The following TBX5 variants were observed in gnomAD, a reference collection of about 807,000 sequenced individuals.
TBX5 encodes the protein T-box transcription factor TBX5.
A neutral mutation model predicts 51.1 loss-of-function variants in TBX5; 8 were observed. The ratio of observed to expected loss-of-function variants is 0.16; its 90% CI spans 0.09 to 0.28. TBX5 has a LOEUF of 0.28. Ranked by LOEUF, TBX5 falls within the 10% of genes least tolerant of loss-of-function variation. The probability of loss-of-function intolerance (pLI) is 1.00; values close to 1 mark genes in which losing one functional copy is unlikely to be tolerated. For synonymous variants in TBX5, 302 were observed against 266.4 expected (o/e 1.13, Z -1.30); for missense variants, 589 against 671.7 (o/e 0.88, Z 1.36).
intron 7 of TBX5, among the ~76,000 whole-genome samples, chr12:114,384,131 T>C (rs1352452180): frequency 1.3e-5 from 2 of 152,084 alleles, no homozygotes; most frequent in African/African-American, 4.8e-5. Flanking sequence ...AATAACAAAC[T>C]CAGAACTTGC....
chr12:114,398,771 C>A lies in TBX5; in HGVS notation c.363-51G>T, dbSNP rs184374014. On this transcript the variant is annotated intron_variant, in intron 4 of 8. Coordinates refer to ENST00000405440, the MANE Select transcript of TBX5 (RefSeq NM_181486.4). ...GGCCTGGCTCAGAGTCTGGAGGTAG[C>A]GCACTGCACCGAAGCGTGCTTCAGT... is the stretch of plus-strand genomic sequence containing the variant. 8.3e-6 allele frequency: 13 copies of A among 1,567,764 alleles called. No individual in the cohort carries two copies. The Admixed American group carries it at 1.7e-4, about 21-fold the overall frequency.
At position 114,403,922 on chromosome 12, in the gene TBX5, G is replaced by C. The variant is rs769107196; in HGVS notation, c.-24C>G. The C allele has an allele frequency of 3.1e-6, 5 of 1,607,784 alleles. No individual in the cohort carries two copies. The East Asian group carries it at 6.7e-5, about 22-fold the overall frequency. On this transcript the variant is annotated 5_prime_UTR_variant, in exon 2 of 9. Coordinates refer to ENST00000405440, the MANE Select transcript of TBX5 (RefSeq NM_181486.4). The stretch of plus-strand genomic sequence containing the variant: ...ATGGTGCGCCCAGGGCCCTGTGCCC[G>C]CGCAAGGTTCTGCTCTGAGGACAAG...
At chr12:114,360,160 G>A (rs1869152198) in intron 8 of TBX5, among the ~76,000 whole-genome samples, 1 of 152,224 alleles carries the variant, frequency 6.6e-6, no homozygotes, top group Admixed American at 6.5e-5. Context: ...GAAACTCAGA[G>A]TAGTAATCTT....
chr12:114,400,963 C>T (rs770668280), intron 3 of TBX5, among the ~76,000 whole-genome samples: 4 of 152,188 alleles, frequency 2.6e-5, no homozygotes, highest in African/African-American at 4.8e-5. Flanking sequence ...TTGGGCCTAC[C>T]GTTCGCCTGC....
rs1380679745 is a variant in TBX5 at position 114,366,156 on chromosome 12, C to T, written c.982+9G>A. 6.2e-7 allele frequency: 1 copy of T among 1,613,030 alleles called. No homozygotes were observed. The highest frequency in any genetic ancestry group is 1.3e-5 in the African/African-American group (1 of 74,886). On this transcript the variant is annotated intron_variant, in intron 8 of 8. Transcript: ENST00000405440. ...AGAAAGCAAATTGACCAGGGGTGAT[C>T]ACACTCACCTTTCCTCTTGGTACAA...
intron 5 of TBX5, among the ~76,000 whole-genome samples, chr12:114,396,143 GC>G (rs1871406161): frequency 6.6e-6 from 1 of 151,932 alleles, no homozygotes; most frequent in South Asian, 2.1e-4. Context: ...GGGGAGGCGA[GC>G]CGCGGCCGGG....
chr12:114,397,668 G>T (rs978085165), intron 5 of TBX5, among the ~76,000 whole-genome samples: 6 of 152,160 alleles, frequency 3.9e-5, no homozygotes, highest in Non-Finnish European at 8.8e-5. Context: ...TCAGTTTCAG[G>T]AAATTCACCA....
At chr12:114,393,656 T>C (rs1189671103) in intron 6 of TBX5, among the ~76,000 whole-genome samples, 1 of 152,126 alleles carries the variant, frequency 6.6e-6, no homozygotes, top group Non-Finnish European at 1.5e-5. Flanking sequence ...CCAAAGTCAT[T>C]GTCAAGCTTT....
chr12:114,400,620 C>A (rs768977843), intron 3 of TBX5, among the ~76,000 whole-genome samples: 10 of 152,176 alleles, frequency 6.6e-5, no homozygotes, highest in Non-Finnish European at 1.5e-4. Flanking sequence ...TGTTTATCAG[C>A]CTGAGCGAGC....
chr12:114,366,313 A>G lies in TBX5; in HGVS notation c.834T>C (p.Ser278=), dbSNP rs142609815. The G allele has an allele frequency of 2.2e-4, 358 of 1,613,940 alleles. No homozygotes were observed. The highest frequency in any genetic ancestry group is 2.9e-4 in the Non-Finnish European group (342 of 1,180,020). ...ASNHSPFSSE[S]RALSTSSNLG... ...AATTGGATGAGGTGGAGAGAGCTCG[A>G]GACTCGCTGCTGAAAGGACTGTGGT... The change falls in exon 8 of 9, where the codon TCT becomes TCC. Residue 278 remains serine, a synonymous_variant. Coordinates refer to ENST00000405440, the MANE Select transcript of TBX5 (RefSeq NM_181486.4).
chr12:114,373,393 C>A (rs1210959258), intron 7 of TBX5, among the ~76,000 whole-genome samples: 1 of 152,156 alleles, frequency 6.6e-6, no homozygotes, highest in Non-Finnish European at 1.5e-5. Flanking sequence ...CTACAGACAA[C>A]AAAGGACAAT....
At chr12:114,361,408 T>A (rs1457414303) in intron 8 of TBX5, among the ~76,000 whole-genome samples, 1 of 152,190 alleles carries the variant, frequency 6.6e-6, no homozygotes, top group Non-Finnish European at 1.5e-5. Flanking sequence ...TTTATTTGGG[T>A]TGCTTTTAGT....
chr12:114,399,881 A>C (rs762717587), intron 3 of TBX5, among the ~76,000 whole-genome samples: 2 of 152,208 alleles, frequency 1.3e-5, no homozygotes, highest in Non-Finnish European at 2.9e-5. Context: ...ACCAGGACGC[A>C]TGCGCCTCTA....
chr12:114,404,450 G>A (rs1429202590), intron 1 of TBX5, among the ~76,000 whole-genome samples: 1 of 151,506 alleles, frequency 6.6e-6, no homozygotes, highest in Admixed American at 6.6e-5. Flanking sequence ...AGGCAGAAAT[G>A]TGTGAAATAA....
chr12:114,374,432 C>T (rs1870084259), intron 7 of TBX5, among the ~76,000 whole-genome samples: 1 of 152,132 alleles, frequency 6.6e-6, no homozygotes, highest in Non-Finnish European at 1.5e-5. Context: ...TGTTATAGTT[C>T]TGGGGAACAG....
intron 5 of TBX5, among the ~76,000 whole-genome samples, chr12:114,396,177 C>T (rs2114328): frequency 0.036 from 5,499 of 151,886 alleles, 305 homozygotes; most frequent in African/African-American, 0.12. Flanking sequence ...ACGAGGAACT[C>T]GCGGGCCCCG....
At chr12:114,404,971 G>A (rs1426793861) in intron 1 of TBX5, among the ~76,000 whole-genome samples, 1 of 152,234 alleles carries the variant, frequency 6.6e-6, no homozygotes, top group Non-Finnish European at 1.5e-5. Flanking sequence ...CTGCCGCAGA[G>A]CTGTTCAAGC....
At chr12:114,394,980 C>T (rs1236109375) in intron 5 of TBX5, 87 bp from the exon 6 acceptor site, 26 of 1,389,644 alleles carry the variant, frequency 1.9e-5, no homozygotes, top group South Asian at 1.3e-4. Context: ...CCTCTAAATT[C>T]GCCTTGTTAT....
intron 6 of TBX5, among the ~76,000 whole-genome samples, chr12:114,387,586 G>T (rs900732758): frequency 1.3e-5 from 2 of 152,136 alleles, no homozygotes; most frequent in Non-Finnish European, 2.9e-5. Context: ...ATAAAGGCAG[G>T]TACACATCAT....
Sources: allele counts gnomAD v4.1 joint callset (sites outside exome capture counted in the v4.1 genomes callset), GRCh38; gene constraint gnomAD v4.1.1; transcripts MANE v1.5; gene names NCBI Gene and HGNC (gene_info 2026-07-23, HGNC 2026-07-21).